ABI3BP: variants seen among roughly 807,000 people sequenced by gnomAD.
The protein encoded by ABI3BP is ABI family member 3 binding protein.
ABI3BP carries 216 observed loss-of-function variants against 268.6 expected under a neutral mutation model. That is an observed-to-expected ratio of 0.80 (90% confidence interval 0.72 to 0.90). ABI3BP has a LOEUF of 0.90. ABI3BP is among the 40% of genes least tolerant of loss of function. The probability of loss-of-function intolerance (pLI) is 0.00; values close to 1 mark genes in which losing one functional copy is unlikely to be tolerated. For synonymous variants in ABI3BP, 730 were observed against 730.0 expected (o/e 1.00, Z 0.00); for missense variants, 2,090 against 2,182.4 (o/e 0.96, Z 0.84).
At chr3:100,759,162 A>G (rs1472223869) in intron 63 of ABI3BP, among the ~76,000 whole-genome samples, 4 of 152,146 alleles carry the variant, frequency 2.6e-5, no homozygotes, top group Admixed American at 1.3e-4. Flanking sequence ...AGTCTACCCT[A>G]TAGCTGTTGG....
At chr3:100,875,960 CACTA>C (rs1392158640) in intron 7 of ABI3BP, among the ~76,000 whole-genome samples, 1 of 152,138 alleles carries the variant, frequency 6.6e-6, no homozygotes, top group Non-Finnish European at 1.5e-5. Context: ...GTAATATCAA[CACTA>C]ACTGATTCTG....
chr3:100,959,377 C>A (rs1487890363), intron 1 of ABI3BP, among the ~76,000 whole-genome samples: 1 of 150,204 alleles, frequency 6.7e-6, no homozygotes, highest in East Asian at 2.0e-4. Flanking sequence ...GTAGTCCCAG[C>A]TACTCGGGAG....
intron 1 of ABI3BP, among the ~76,000 whole-genome samples, chr3:100,993,009 A>T (rs919317989): frequency 6.6e-6 from 1 of 152,244 alleles, no homozygotes; most frequent in South Asian, 2.1e-4. Flanking sequence ...CCATTTACAC[A>T]ATATGATTCA....
At chr3:100,847,947 T>C (rs2098792037) in intron 18 of ABI3BP, among the ~76,000 whole-genome samples, 1 of 152,198 alleles carries the variant, frequency 6.6e-6, no homozygotes, top group African/African-American at 2.4e-5. Flanking sequence ...TCCAGGTTAA[T>C]AAGCATCTGT....
intron 2 of ABI3BP, among the ~76,000 whole-genome samples, chr3:100,910,805 G>T (rs1299880317): frequency 6.6e-6 from 1 of 152,110 alleles, no homozygotes; most frequent in Non-Finnish European, 1.5e-5. Flanking sequence ...AACATGCTAA[G>T]ACTTATCTGT....
chr3:100,949,820 T>C (rs1053481471), intron 1 of ABI3BP, among the ~76,000 whole-genome samples: 10 of 152,306 alleles, frequency 6.6e-5, no homozygotes, highest in African/African-American at 2.4e-4. Flanking sequence ...GAAGGAGGAC[T>C]GTATAGTGGA....
intron 49 of ABI3BP, 106 bp from the exon 50 acceptor site, chr3:100,808,341 A>C: frequency 1.3e-6 from 1 of 740,890 alleles, no homozygotes; most frequent in East Asian, 2.9e-5. Context: ...AGACCTAAAT[A>C]CTCAACAATG....
At position 100,775,344 on chromosome 3, in the gene ABI3BP, T is replaced by C; in HGVS notation, c.4334-9A>G. On this transcript the variant is annotated splice_polypyrimidine_tract_variant and intron_variant, in intron 59 of 67. Transcript: ENST00000471714. ...GCCTGATGAAATGATTCCTGTAAAG[T>C]AGAGCCAAAGTAGTCAGGCTTTATA... The C allele has an allele frequency of 1.9e-6, 3 of 1,597,266 alleles. No homozygotes were observed. Among genetic ancestry groups the C allele is most frequent in the Non-Finnish European group, 1.7e-6 (2 of 1,171,008 alleles).
intron 2 of ABI3BP, among the ~76,000 whole-genome samples, chr3:100,909,385 CAA>C (rs200318836): frequency 5.0e-5 from 7 of 139,770 alleles, no homozygotes; most frequent in African/African-American, 7.9e-5. Flanking sequence ...AAAGCAATGG[CAA>C]AAAAAAAAAG....
intron 34 of ABI3BP, among the ~76,000 whole-genome samples, chr3:100,827,348 G>A (rs369534149): frequency 6.6e-6 from 1 of 152,028 alleles, no homozygotes; most frequent in African/African-American, 2.4e-5. Flanking sequence ...CCCTCTGGAC[G>A]CCCTCACTAA....
In ABI3BP at chr3:100,791,603, G is replaced by C. The variant is rs2097199302; in HGVS notation, c.4024+1088C>G. 3.3e-5 allele frequency among the ~76,000 whole-genome samples: 5 copies of C among 151,862 alleles called. No individual in the cohort carries two copies. The South Asian group carries it at 1.0e-3, about 31-fold the overall frequency. On this transcript the variant is annotated intron_variant, in intron 55 of 67. Coordinates refer to ENST00000471714, the MANE Select transcript of ABI3BP (RefSeq NM_001375547.2). ...CTGTTCATTGCTGAGGCTGGTAATA[G>C]AGATGTGAGAGGGCTGTCAATATGT...
intron 17 of ABI3BP, 99 bp downstream of exon 17, chr3:100,849,946 A>T: frequency 9.7e-7 from 1 of 1,029,200 alleles, no homozygotes; most frequent in Middle Eastern, 2.1e-4. Context: ...TTTAGCAAAA[A>T]CAAACAAAAG....
At chr3:100,786,627 T>C (rs2097054209) in intron 57 of ABI3BP, among the ~76,000 whole-genome samples, 1 of 152,160 alleles carries the variant, frequency 6.6e-6, no homozygotes, top group South Asian at 2.1e-4. Flanking sequence ...TATTTGAATA[T>C]TAAACAATTT....
At chr3:100,820,004 CAG>C (rs1399278095) in intron 40 of ABI3BP, among the ~76,000 whole-genome samples, 3 of 147,934 alleles carry the variant, frequency 2.0e-5, no homozygotes, top group African/African-American at 7.5e-5. Flanking sequence ...CAGTAAGAGA[CAG>C]ACCTATATGC....
intron 56 of ABI3BP, 40 bp downstream of exon 56, chr3:100,789,414 C>A: frequency 6.4e-7 from 1 of 1,568,794 alleles, no homozygotes; most frequent in Non-Finnish European, 8.7e-7. Flanking sequence ...ATATCTTCCC[C>A]TGCCTGCTGA....
chr3:100,790,397 C>A lies in ABI3BP; in HGVS notation c.4025-881G>T, dbSNP rs143011716. Among the ~76,000 whole-genome samples the A allele has an allele frequency of 3.6e-3, 547 of 152,050 alleles. 5 individuals are homozygous for A. Among genetic ancestry groups the A allele is most frequent in the Non-Finnish European group, 5.3e-3 (358 of 67,926 alleles). On this transcript the variant is annotated intron_variant, in intron 55 of 67. Transcript: ENST00000471714. ...GGTAATGTTTTTGGAAAAATTTTTT[C>A]TTGCAAACTTTGTAAGTAGATTACA... is the stretch of plus-strand genomic sequence containing the variant.
chr3:100,816,415 T>C (rs1400182741), intron 43 of ABI3BP: 9 of 557,578 alleles, frequency 1.6e-5, no homozygotes, highest in Non-Finnish European at 2.6e-5. Flanking sequence ...CCCATGAGTA[T>C]GCTAATCTCG....
At chr3:100,806,012 A>G (rs2097695383) in intron 50 of ABI3BP, among the ~76,000 whole-genome samples, 1 of 152,058 alleles carries the variant, frequency 6.6e-6, no homozygotes, top group Non-Finnish European at 1.5e-5. Flanking sequence ...GTATACAATT[A>G]ATAATATTGC....
chr3:100,933,579 AG>A (rs1360969301), intron 1 of ABI3BP, among the ~76,000 whole-genome samples: 1 of 151,374 alleles, frequency 6.6e-6, no homozygotes, highest in Non-Finnish European at 1.5e-5. Flanking sequence ...GAATTTTAAA[AG>A]AACTAACAAG....
Sources: allele counts gnomAD v4.1 joint callset (sites outside exome capture counted in the v4.1 genomes callset), GRCh38; gene constraint gnomAD v4.1.1; transcripts MANE v1.5; gene names NCBI Gene and HGNC (gene_info 2026-07-23, HGNC 2026-07-21).